ASTN1: variants seen among roughly 807,000 people sequenced by gnomAD.
The protein encoded by ASTN1 is astrotactin 1.
ASTN1 carries 41 observed loss-of-function variants against 140.7 expected under a neutral mutation model. The observed-to-expected ratio is 0.29, with a 90% CI of 0.23 to 0.38. ASTN1 has a LOEUF of 0.38. Among genes scored for constraint, ASTN1 ranks in the 10% least tolerant of loss-of-function variants. The pLI, the probability that ASTN1 is intolerant of heterozygous loss-of-function variation, is 1.00. For missense variants in ASTN1, 1,479 were observed against 1,678.8 expected (o/e 0.88, Z 2.08); for synonymous variants, 640 against 652.2 (o/e 0.98, Z 0.29).
chr1:177,122,597 C>A (rs936258465), intron 1 of ASTN1, among the ~76,000 whole-genome samples: 1 of 152,180 alleles, frequency 6.6e-6, no homozygotes, highest in African/African-American at 2.4e-5. Flanking sequence ...CTCCTGCTCA[C>A]AAGACTAGGG....
intron 2 of ASTN1, among the ~76,000 whole-genome samples, chr1:177,059,609 T>G (rs1373413357): frequency 6.6e-6 from 1 of 152,190 alleles, no homozygotes; most frequent in Non-Finnish European, 1.5e-5. Flanking sequence ...CTCGTGTACA[T>G]GCAGGTAACC....
chr1:177,050,085 C>T (rs1677464194), intron 2 of ASTN1, among the ~76,000 whole-genome samples: 2 of 152,204 alleles, frequency 1.3e-5, no homozygotes, highest in South Asian at 4.1e-4. Flanking sequence ...AAGAATGTAT[C>T]TGAAACCCAC....
intron 1 of ASTN1, among the ~76,000 whole-genome samples, chr1:177,156,568 A>G (rs1466556547): frequency 6.6e-6 from 1 of 152,236 alleles, no homozygotes; most frequent in Non-Finnish European, 1.5e-5. Context: ...AGTCCATAGG[A>G]CATAAATAAA....
At chr1:177,036,547 C>T (rs1055793622) in intron 2 of ASTN1, among the ~76,000 whole-genome samples, 2 of 152,100 alleles carry the variant, frequency 1.3e-5, no homozygotes, top group Non-Finnish European at 2.9e-5. Flanking sequence ...TAATAATATA[C>T]TGTAATGTGA....
chr1:177,028,545 G>A (rs190265562), intron 5 of ASTN1, among the ~76,000 whole-genome samples: 4 of 152,328 alleles, frequency 2.6e-5, no homozygotes, highest in South Asian at 2.1e-4. Context: ...GAATAAAAAT[G>A]TATATGTCTT....
intron 18 of ASTN1, among the ~76,000 whole-genome samples, chr1:176,886,256 T>G (rs1020684121): frequency 6.6e-6 from 1 of 152,240 alleles, no homozygotes; most frequent in South Asian, 2.1e-4. Flanking sequence ...TTAATAGACA[T>G]TTACTGTTTA....
At chr1:177,151,466 T>C (rs1683032387) in intron 1 of ASTN1, among the ~76,000 whole-genome samples, 2 of 151,586 alleles carry the variant, frequency 1.3e-5, no homozygotes, top group South Asian at 4.2e-4. Context: ...ATTGTTACCC[T>C]GAATGACTGC....
chr1:177,006,772 T>C (rs1437671871), intron 8 of ASTN1, among the ~76,000 whole-genome samples: 5 of 152,130 alleles, frequency 3.3e-5, no homozygotes, highest in African/African-American at 1.2e-4. Flanking sequence ...AGACAACAGC[T>C]GACAGAGCCT....
intron 1 of ASTN1, among the ~76,000 whole-genome samples, chr1:177,106,778 T>C (rs1680563870): frequency 6.6e-6 from 1 of 152,170 alleles, no homozygotes. Context: ...GGCGTTCAAA[T>C]GATAGCAACA....
At position 177,030,892 on chromosome 1, in the gene ASTN1, C is replaced by A. The variant is rs1676402161; in HGVS notation, c.926G>T (p.Ser309Ile). The change falls in exon 4 of 23, where the codon AGC becomes ATC. Residue 309 changes from serine to isoleucine, a missense_variant. By Grantham distance (142) the Ser-to-Ile change is moderately radical. Coordinates refer to ENST00000361833, the MANE Select transcript of ASTN1 (RefSeq NM_004319.3). ...TTGCTGGTGGTTGGAGTCCACAGGG[C>A]TAGTGGCTATAATATTATCTTTATA... The part of the protein sequence containing the change: ...NKYKDNIIAT[S>I]PVDSNHQQAT... 6.2e-7 allele frequency: 1 copy of A among 1,614,002 alleles called. No individual in the cohort carries two copies.
Position 176,957,692 on chromosome 1 carries a change from A to T in ASTN1, c.1873T>A (p.Ser625Thr), listed in dbSNP as rs1672469924. 1 of 1,614,056 alleles carries T rather than the reference A, an allele frequency of 6.2e-7. No homozygotes were observed. The highest frequency in any genetic ancestry group is 1.1e-5 in the South Asian group (1 of 91,070). ...GGCAGACCTACCACGCAACCAGTGGAGTCCAGCTTGCGATCTGAAATACAG... is the reference window on the plus strand; with the variant it reads ...GGCAGACCTACCACGCAACCAGTGGTGTCCAGCTTGCGATCTGAAATACAG... ...FRCISDRKLD[S>T]TGCVCPSGLS... is the part of the protein sequence containing the mutation. The change falls in exon 11 of 23, where the codon TCC becomes ACC. Residue 625 changes from serine to threonine, a missense_variant. Physicochemically the swap from Ser to Thr is moderately conservative, Grantham distance 58. Around this residue, in one of 3 missense-constraint regions of ASTN1, gnomAD observed 729 missense variants for 860.4 expected, o/e 0.85. Coordinates refer to ENST00000361833, the MANE Select transcript of ASTN1 (RefSeq NM_004319.3).
intron 8 of ASTN1, among the ~76,000 whole-genome samples, chr1:176,983,465 T>C (rs1345458906): frequency 6.6e-6 from 1 of 152,248 alleles, no homozygotes; most frequent in African/African-American, 2.4e-5. Flanking sequence ...CAATCCTCTT[T>C]ACTTATTTAT....
Position 176,894,581 on chromosome 1 carries a change from G to C in ASTN1, c.2921C>G (p.Thr974Ser), listed in dbSNP as rs753981046. 1 of 1,614,046 alleles carries C rather than the reference G, an allele frequency of 6.2e-7. No homozygotes were observed. Among genetic ancestry groups the C allele is most frequent in the East Asian group, 2.2e-5 (1 of 44,846 alleles). ...TCTTACCCTCTGGGTCTGGTTGTTG[G>C]TCACTAGTTCATAGATGGGGGCTGC... ...TKAAPIYELVTNNQTQRLLQE... is the reference protein window; with the variant it reads ...TKAAPIYELVSNNQTQRLLQE... Residue 974 changes from threonine to serine, a missense_variant, in exon 17 of 23, where the codon ACC becomes AGC. Thr to Ser is a moderately conservative substitution (Grantham distance 58, BLOSUM62 1). Coordinates refer to ENST00000361833, the MANE Select transcript of ASTN1 (RefSeq NM_004319.3).
chr1:177,023,290 G>T, intron 7 of ASTN1, 114 bp downstream of exon 7: 2 of 1,353,180 alleles, frequency 1.5e-6, no homozygotes, highest in Non-Finnish European at 2.0e-6. Context: ...CATGGTCTAG[G>T]CTCGAGATGG....
intron 1 of ASTN1, among the ~76,000 whole-genome samples, chr1:177,143,720 G>A (rs1239699940): frequency 6.6e-6 from 1 of 151,980 alleles, no homozygotes; most frequent in Admixed American, 6.6e-5. Context: ...CAAAACGAAT[G>A]AAATCATAGG....
At chr1:177,042,744 C>T (rs1407489485) in intron 2 of ASTN1, among the ~76,000 whole-genome samples, 1 of 152,206 alleles carries the variant, frequency 6.6e-6, no homozygotes, top group East Asian at 1.9e-4. Context: ...CAAACTAATA[C>T]TCAACCACTG....
chr1:177,018,373 A>G (rs1443445751), intron 7 of ASTN1, among the ~76,000 whole-genome samples: 2 of 152,128 alleles, frequency 1.3e-5, no homozygotes, highest in Non-Finnish European at 2.9e-5. Context: ...CCAACAAACA[A>G]ACAAAAACAG....
chr1:177,141,962 G>A (rs1682490897), intron 1 of ASTN1, among the ~76,000 whole-genome samples: 1 of 152,174 alleles, frequency 6.6e-6, no homozygotes, highest in South Asian at 2.1e-4. Context: ...TCCACATGAA[G>A]TATAGTAGCT....
At chr1:177,002,480 C>A (rs1674779019) in intron 8 of ASTN1, among the ~76,000 whole-genome samples, 1 of 151,450 alleles carries the variant, frequency 6.6e-6, no homozygotes, top group Admixed American at 6.6e-5. Flanking sequence ...TATAGCTAAA[C>A]AAATAAAACC....
Sources: allele counts gnomAD v4.1 joint callset (sites outside exome capture counted in the v4.1 genomes callset), GRCh38; gene constraint gnomAD v4.1.1; regional missense constraint gnomAD v4.1.1; transcripts MANE v1.5; gene names NCBI Gene and HGNC (gene_info 2026-07-23, HGNC 2026-07-21).